GPHN: variants seen among roughly 807,000 people sequenced by gnomAD.
GPHN encodes the protein gephyrin.
A neutral mutation model predicts 95.5 loss-of-function variants in GPHN; 17 were observed. The observed-to-expected ratio is 0.18, with a 90% CI of 0.12 to 0.27. GPHN has a LOEUF of 0.27. Ranked by LOEUF, GPHN falls within the 10% of genes least tolerant of loss-of-function variation. GPHN has a pLI of 1.00. For missense variants in GPHN, 660 were observed against 978.1 expected (o/e 0.67, Z 4.34); for synonymous variants, 320 against 322.5 (o/e 0.99, Z 0.08).
At chr14:67,317,514 T>C in the GPHN span, 1 of 1,466,558 alleles carries the variant, frequency 6.8e-7, no homozygotes, top group Non-Finnish European at 9.5e-7. Flanking sequence ...TGGAATTATA[T>C]CTGAAAGGAG....
At chr14:67,041,483 T>C (rs936317907) in intron 10 of GPHN, among the ~76,000 whole-genome samples, 25 of 152,196 alleles carry the variant, frequency 1.6e-4, no homozygotes, top group African/African-American at 5.8e-4. Context: ...TTTTCTGATA[T>C]TGTGATAGTT....
chr14:67,437,915 G>A, the GPHN span, among the ~76,000 whole-genome samples: 4 of 152,108 alleles, frequency 2.6e-5, no homozygotes, highest in African/African-American at 9.7e-5. Flanking sequence ...CATTATTTAT[G>A]TGCCTTTCCT....
At chr14:67,565,970 A>C in the GPHN span, among the ~76,000 whole-genome samples, 1 of 152,062 alleles carries the variant, frequency 6.6e-6, no homozygotes. Flanking sequence ...AAATACAAAA[A>C]TTATTTGGGC....
intron 1 of GPHN, among the ~76,000 whole-genome samples, chr14:66,559,914 G>A (rs1440952818): frequency 6.6e-6 from 1 of 152,134 alleles, no homozygotes; most frequent in East Asian, 1.9e-4. Flanking sequence ...ATTAATTTTT[G>A]TATAAGGTGT....
intron 4 of GPHN, among the ~76,000 whole-genome samples, chr14:66,833,136 G>C (rs931627630): frequency 3.9e-5 from 6 of 152,102 alleles, no homozygotes; most frequent in African/African-American, 1.4e-4. Context: ...CACAAGTCTG[G>C]GTAATTTGTA....
intron 13 of GPHN, among the ~76,000 whole-genome samples, chr14:67,104,291 C>T (rs2153681500): frequency 6.6e-6 from 1 of 152,250 alleles, no homozygotes; most frequent in Admixed American, 6.5e-5. Flanking sequence ...AGCATTTTTG[C>T]ACCAAGGATA....
chr14:67,334,698 G>T, the GPHN span: 1 of 152,232 alleles, frequency 6.6e-6, no homozygotes. Flanking sequence ...GTTGAGGGAA[G>T]GAATGCCATA....
At chr14:66,524,401 T>C (rs1200134495) in intron 1 of GPHN, among the ~76,000 whole-genome samples, 1 of 152,118 alleles carries the variant, frequency 6.6e-6, no homozygotes, top group Admixed American at 6.6e-5. Context: ...AAAGATACTT[T>C]TAGAACTATC....
chr14:66,817,541 A>T (rs574659546), intron 3 of GPHN, among the ~76,000 whole-genome samples: 3 of 152,184 alleles, frequency 2.0e-5, no homozygotes, highest in Non-Finnish European at 2.9e-5. Flanking sequence ...TGGTGGCTTT[A>T]ACACATATAG....
chr14:66,566,954 A>G (rs1267076542), intron 1 of GPHN, among the ~76,000 whole-genome samples: 1 of 152,174 alleles, frequency 6.6e-6, no homozygotes, highest in African/African-American at 2.4e-5. Flanking sequence ...TAACCAAAAG[A>G]CGTGGCAGGT....
chr14:67,251,302 G>A, the GPHN span, among the ~76,000 whole-genome samples: 1 of 152,212 alleles, frequency 6.6e-6, no homozygotes, highest in Non-Finnish European at 1.5e-5. Context: ...GGAGGCCGAG[G>A]CAGGAGGACC....
chr14:67,564,062 C>T, the GPHN span, among the ~76,000 whole-genome samples: 45 of 152,102 alleles, frequency 3.0e-4, no homozygotes, highest in South Asian at 8.7e-3. Flanking sequence ...CCACCACGCC[C>T]GGCCAATTTT....
chr14:66,855,450 A>G (rs1254684011), intron 4 of GPHN, among the ~76,000 whole-genome samples: 1 of 152,172 alleles, frequency 6.6e-6, no homozygotes, highest in African/African-American at 2.4e-5. Flanking sequence ...GTTGTAGTAT[A>G]TATCAGAACT....
chr14:67,315,268 ATTTTTT>A, the GPHN span, among the ~76,000 whole-genome samples: 4 of 101,590 alleles, frequency 3.9e-5, no homozygotes, highest in South Asian at 3.3e-4. Flanking sequence ...CTTATTTTTA[ATTTTTT>A]TTTTTTTTTT....
the GPHN span, among the ~76,000 whole-genome samples, chr14:67,695,979 C>T: frequency 2.6e-5 from 4 of 152,306 alleles, no homozygotes; most frequent in African/African-American, 4.8e-5. Context: ...TTTCTGCCTT[C>T]TGAATACTCA....
the GPHN span, among the ~76,000 whole-genome samples, chr14:67,511,500 A>T: frequency 6.6e-6 from 1 of 152,210 alleles, no homozygotes; most frequent in South Asian, 2.1e-4. Context: ...CTGGGAGCCG[A>T]GAATCCCGAA....
chr14:67,323,162 G>A, the GPHN span, among the ~76,000 whole-genome samples: 1 of 151,174 alleles, frequency 6.6e-6, no homozygotes, highest in Non-Finnish European at 1.5e-5. Flanking sequence ...ACATAAAAGA[G>A]CAAGCTAAAA....
At chr14:66,514,064 A>G (rs1331595964) in intron 1 of GPHN, among the ~76,000 whole-genome samples, 1 of 152,010 alleles carries the variant, frequency 6.6e-6, no homozygotes, top group East Asian at 1.9e-4. Context: ...ACTGGAGTAC[A>G]TGACATTGTG....
At chr14:67,191,169 G>A in the GPHN span, among the ~76,000 whole-genome samples, 29 of 152,236 alleles carry the variant, frequency 1.9e-4, no homozygotes, top group Non-Finnish European at 3.4e-4. Context: ...AGGAGGTAGA[G>A]GTTGCAGTGA....
Sources: gnomAD v4.1 joint callset for allele counts (sites outside exome capture counted in the v4.1 genomes callset) on GRCh38, gnomAD v4.1.1 for gene constraint, MANE v1.5 for transcripts, NCBI Gene and HGNC (gene_info 2026-07-23, HGNC 2026-07-21) for gene names.